The following PRKCA variants were observed in gnomAD, a reference collection of about 807,000 sequenced individuals.
PRKCA encodes the protein protein kinase C alpha.
PRKCA carries 27 observed loss-of-function variants against 87.0 expected under a neutral mutation model. That is an observed-to-expected ratio of 0.31 (90% CI 0.23 to 0.43). The LOEUF is 0.43. Ranked by LOEUF, PRKCA falls within the 20% of genes least tolerant of loss-of-function variation. The pLI, the probability that PRKCA is intolerant of heterozygous loss-of-function variation, is 1.00. For missense variants in PRKCA, 518 were observed against 852.3 expected (o/e 0.61, Z 4.88); for synonymous variants, 329 against 311.1 (o/e 1.06, Z -0.61).
intron 2 of PRKCA, among the ~76,000 whole-genome samples, chr17:66,309,633 C>T (rs1338628581): frequency 6.6e-6 from 1 of 152,162 alleles, no homozygotes; most frequent in Non-Finnish European, 1.5e-5. Context: ...TTAAGGTCCT[C>T]AGAGATAAAG....
At chr17:66,744,029 G>A (rs560687242) in intron 13 of PRKCA, among the ~76,000 whole-genome samples, 1 of 152,156 alleles carries the variant, frequency 6.6e-6, no homozygotes, top group Admixed American at 6.5e-5. Context: ...ACAACATTTT[G>A]CATCTAGTAG....
chr17:66,529,046 T>A (rs1223540616), intron 3 of PRKCA, among the ~76,000 whole-genome samples: 2 of 152,232 alleles, frequency 1.3e-5, no homozygotes, highest in Non-Finnish European at 2.9e-5. Flanking sequence ...TTCTTTTTTC[T>A]TGTTGTTTTA....
chr17:66,425,301 C>T (rs1912739606), intron 2 of PRKCA, among the ~76,000 whole-genome samples: 1 of 152,026 alleles, frequency 6.6e-6, no homozygotes, highest in Non-Finnish European at 1.5e-5. Context: ...CCTCTCCCTC[C>T]AAGGCTACAA....
intron 8 of PRKCA, among the ~76,000 whole-genome samples, chr17:66,715,457 G>C (rs1973449866): frequency 6.6e-6 from 1 of 152,102 alleles, no homozygotes; most frequent in African/African-American, 2.4e-5. Flanking sequence ...ACCACTCCAG[G>C]GCCCCCTGCA....
chr17:66,482,922 G>C (rs758730789), intron 2 of PRKCA, among the ~76,000 whole-genome samples: 1 of 152,124 alleles, frequency 6.6e-6, no homozygotes, highest in Non-Finnish European at 1.5e-5. Flanking sequence ...ATGCTCACCT[G>C]TAATCTTTGT....
At chr17:66,491,267 T>C (rs1340772218) in intron 2 of PRKCA, among the ~76,000 whole-genome samples, 1 of 148,068 alleles carries the variant, frequency 6.8e-6, no homozygotes, top group African/African-American at 2.5e-5. Context: ...GATAGCATCC[T>C]GTTTTAAAAC....
chr17:66,509,798 G>A (rs557124520), intron 3 of PRKCA, among the ~76,000 whole-genome samples: 1 of 152,198 alleles, frequency 6.6e-6, no homozygotes, highest in East Asian at 1.9e-4. Context: ...AGACTTGTTT[G>A]GGTTATAATT....
In PRKCA at chr17:66,609,487, T is replaced by C. The variant is rs975669695; in HGVS notation, c.289-31868T>C. Among the ~76,000 whole-genome samples, 5 of 152,340 alleles carry C rather than the reference T, an allele frequency of 3.3e-5. 1 individual carries two copies. Among genetic ancestry groups the C allele is most frequent in the Admixed American group, 6.5e-5 (1 of 15,306 alleles). On this transcript the variant is annotated intron_variant, in intron 3 of 16. Transcript: ENST00000413366. ...CTGTGACTTTGCCTATTGCCAATCA[T>C]CGATCAGTCCTGTCGGTCTGACTTA...
At chr17:66,740,484 T>G (rs1321288125) in intron 11 of PRKCA, among the ~76,000 whole-genome samples, 1 of 152,132 alleles carries the variant, frequency 6.6e-6, no homozygotes, top group African/African-American at 2.4e-5. Flanking sequence ...AGAGACACAT[T>G]GGAAGAATTT....
chr17:66,452,975 C>T (rs1048959929), intron 2 of PRKCA, among the ~76,000 whole-genome samples: 4 of 152,244 alleles, frequency 2.6e-5, no homozygotes, highest in African/African-American at 9.6e-5. Context: ...GAGCTTGTAG[C>T]ATCGAGATGT....
intron 2 of PRKCA, among the ~76,000 whole-genome samples, chr17:66,489,199 CT>C (rs1391825921): frequency 2.0e-5 from 3 of 151,692 alleles, no homozygotes; most frequent in Admixed American, 6.6e-5. Flanking sequence ...TACATAATGG[CT>C]TTTTCTTCAT....
intron 2 of PRKCA, among the ~76,000 whole-genome samples, chr17:66,386,171 C>T (rs1243805670): frequency 6.6e-6 from 1 of 152,160 alleles, no homozygotes; most frequent in South Asian, 2.1e-4. Context: ...GGTATCTCTG[C>T]CCTACATTAT....
chr17:66,314,598 A>G (rs922983708), intron 2 of PRKCA, among the ~76,000 whole-genome samples: 1 of 152,158 alleles, frequency 6.6e-6, no homozygotes, highest in Non-Finnish European at 1.5e-5. Context: ...TCCATGAGCA[A>G]TAGTAGATCC....
At chr17:66,540,833 C>T (rs1967960625) in intron 3 of PRKCA, among the ~76,000 whole-genome samples, 1 of 152,172 alleles carries the variant, frequency 6.6e-6, no homozygotes, top group South Asian at 2.1e-4. Context: ...CATGGTTTGA[C>T]CTCGAGATCT....
chr17:66,515,393 G>C (rs879401847), intron 3 of PRKCA, among the ~76,000 whole-genome samples: 1 of 152,016 alleles, frequency 6.6e-6, no homozygotes, highest in Non-Finnish European at 1.5e-5. Flanking sequence ...TCTTTTCAAT[G>C]CTCCTATTGC....
intron 3 of PRKCA, among the ~76,000 whole-genome samples, chr17:66,581,764 C>T (rs1376083295): frequency 2.6e-5 from 4 of 152,186 alleles, no homozygotes; most frequent in Admixed American, 2.0e-4. Context: ...CATGAGCCAC[C>T]GTGCCCGGCC....
chr17:66,454,226 C>T (rs1406607613), intron 2 of PRKCA, among the ~76,000 whole-genome samples: 4 of 152,194 alleles, frequency 2.6e-5, no homozygotes, highest in Non-Finnish European at 5.9e-5. Flanking sequence ...TGCTAAGGCC[C>T]TGTGGACTCC....
At position 66,542,846 on chromosome 17, in the gene PRKCA, G is replaced by A. The variant is rs561091945; in HGVS notation, c.288+46563G>A. Among the ~76,000 whole-genome samples, 188 of 152,260 alleles carry A rather than the reference G, an allele frequency of 1.2e-3. 4 individuals carry two copies. The highest frequency in any genetic ancestry group is 9.7e-3 in the Admixed American group (149 of 15,290). On this transcript the variant is annotated intron_variant, in intron 3 of 16. Transcript: ENST00000413366. ...ATTTGACAAGTCATTTCATTCTAGT[G>A]TATGCATGTGATTTTCTTGGAACGA...
At position 66,683,283 on chromosome 17, in the gene PRKCA, A is replaced by G. The variant is rs553898845; in HGVS notation, c.530-3828A>G. Among the ~76,000 whole-genome samples the G allele has an allele frequency of 1.2e-4, 19 of 152,350 alleles. No homozygotes were observed. In the South Asian group the frequency reaches 3.9e-3, roughly 32 times the overall value. ...ATGATGGATATTAAAAAGCGAGCCA[A>G]TTTAAAGAAAAATGTGAATAATAGT... On this transcript the variant is annotated intron_variant, in intron 5 of 16. Transcript: ENST00000413366.
Sources: allele counts gnomAD v4.1 joint callset (sites outside exome capture counted in the v4.1 genomes callset), GRCh38; gene constraint gnomAD v4.1.1; transcripts MANE v1.5; gene names NCBI Gene and HGNC (gene_info 2026-07-23, HGNC 2026-07-21).